Variants in NAF1 observed in about 807,000 individuals in gnomAD.
NAF1 encodes the protein H/ACA ribonucleoprotein complex non-core subunit NAF1.
Under a neutral mutation model 40.6 loss-of-function variants are expected in NAF1, and 11 were observed. That is an observed-to-expected ratio of 0.27 (90% confidence interval 0.17 to 0.45). The LOEUF is 0.45. Ranked by LOEUF, NAF1 falls within the 20% of genes least tolerant of loss-of-function variation. The probability of loss-of-function intolerance (pLI) is 1.00; values close to 1 mark genes in which losing one functional copy is unlikely to be tolerated. For synonymous variants in NAF1, 260 were observed against 228.5 expected (o/e 1.14, Z -1.24); for missense variants, 607 against 611.1 (o/e 0.99, Z 0.07).
At position 163,128,950 on chromosome 4, in the gene NAF1, G is replaced by A; in HGVS notation, c.1432C>T (p.Pro478Ser). ...LPPPPPPPPL[P>S]PPPSSGDSNS... Reference sequence around the variant, plus strand: ...CTATCTCCAGAAGAGGGTGGAGGAGGCAGTGGTGGAGGGGGAGGGGGTGGG... The same window carrying A: ...CTATCTCCAGAAGAGGGTGGAGGAGACAGTGGTGGAGGGGGAGGGGGTGGG... Residue 478 changes from proline to serine, a missense_variant, in exon 8 of 8, where the codon CCT becomes TCT. This residue lies in a region of NAF1 where 189 missense variants were observed against 216.6 expected (regional missense o/e 0.87). Coordinates refer to ENST00000274054, the MANE Select transcript of NAF1 (RefSeq NM_138386.3). 1 of 1,455,240 alleles carries A rather than the reference G, an allele frequency of 6.9e-7. No individual in the cohort carries two copies. The highest frequency in any genetic ancestry group is 9.5e-7 in the Non-Finnish European group (1 of 1,053,624). 90.1% of individuals were successfully genotyped at this position (1,455,240 alleles called of 1,614,324 possible). A position where few individuals can be genotyped will look rare whatever the true frequency, so the allele number is the denominator to read the frequency against.
intron 4 of NAF1, among the ~76,000 whole-genome samples, chr4:163,142,641 A>G (rs72697004): frequency 0.016 from 2,454 of 152,354 alleles, 32 homozygotes; most frequent in Non-Finnish European, 0.021. Context: ...CAGGCAGTAG[A>G]TAACAGGAAG....
At chr4:163,108,929 G>A (rs1730092711), downstream of NAF1, 1 of 151,938 alleles carries the variant, frequency 6.6e-6, no homozygotes, top group Non-Finnish European at 1.5e-5. Context: ...ACAAGAAAAG[G>A]GCTTAGTGTC....
At chr4:163,129,543 G>A (rs745543793) in intron 7 of NAF1, among the ~76,000 whole-genome samples, 195 bp from the exon 8 acceptor site, 15 of 152,262 alleles carry the variant, frequency 9.9e-5, no homozygotes, top group South Asian at 4.1e-4. Flanking sequence ...AACCCAGCAA[G>A]TCAGAAAACA....
downstream of NAF1, among the ~76,000 whole-genome samples, chr4:163,125,889 C>G (rs1231471455): frequency 1.3e-5 from 2 of 152,134 alleles, no homozygotes; most frequent in African/African-American, 4.8e-5. Context: ...ATTTACAATT[C>G]CAAAAATCCT....
chr4:163,165,299 A>C (rs1373206831), intron 1 of NAF1, among the ~76,000 whole-genome samples: 2 of 152,194 alleles, frequency 1.3e-5, no homozygotes, highest in African/African-American at 4.8e-5. Flanking sequence ...GACTTCTTCA[A>C]ATATTTGGTA....
At chr4:163,104,214 G>T in the NAF1 span, among the ~76,000 whole-genome samples, 3 of 152,190 alleles carry the variant, frequency 2.0e-5, 1 homozygote, top group South Asian at 6.2e-4. Context: ...GGCAGGAACC[G>T]GCCGTTTCCA....
intron 3 of NAF1, among the ~76,000 whole-genome samples, chr4:163,146,155 T>C (rs1376804857): frequency 6.6e-6 from 1 of 152,200 alleles, no homozygotes; most frequent in Non-Finnish European, 1.5e-5. Context: ...AAATTCAAGC[T>C]ATGTACATAT....
intron 6 of NAF1, chr4:163,135,898 C>G (rs1036042930): frequency 2.0e-5 from 3 of 152,158 alleles, no homozygotes; most frequent in African/African-American, 7.2e-5. Context: ...TAATAAGATG[C>G]TATAGATACT....
intron 5 of NAF1, among the ~76,000 whole-genome samples, chr4:163,138,505 T>C (rs6839886): frequency 0.26 from 39,884 of 151,928 alleles, 5,639 homozygotes; most frequent in African/African-American, 0.37. Context: ...AACAAGACAG[T>C]AAGTACATGA....
downstream of NAF1, chr4:163,126,899 C>T: frequency 6.8e-7 from 1 of 1,470,630 alleles, no homozygotes; most frequent in Non-Finnish European, 9.0e-7. Flanking sequence ...TCACTGCAGG[C>T]TCAAAGGGTC....
At chr4:163,161,750 T>A (rs577432060) in intron 2 of NAF1, among the ~76,000 whole-genome samples, 1 of 152,146 alleles carries the variant, frequency 6.6e-6, no homozygotes, top group Non-Finnish European at 1.5e-5. Flanking sequence ...CTCTAGTGAG[T>A]ATAATCCGTT....
intron 2 of NAF1, among the ~76,000 whole-genome samples, chr4:163,156,074 C>T (rs1023462848): frequency 6.6e-5 from 8 of 120,312 alleles, no homozygotes; most frequent in Non-Finnish European, 1.5e-4. Flanking sequence ...ATACCAACAA[C>T]CCCTGTTAAA....
intron 2 of NAF1, among the ~76,000 whole-genome samples, chr4:163,149,611 A>G (rs1437658874): frequency 6.6e-6 from 1 of 152,154 alleles, no homozygotes; most frequent in East Asian, 1.9e-4. Context: ...CTGGTGTTAG[A>G]GGAAATTATT....
At chr4:163,151,188 T>C (rs890911672) in intron 2 of NAF1, among the ~76,000 whole-genome samples, 4 of 151,992 alleles carry the variant, frequency 2.6e-5, no homozygotes, top group East Asian at 3.8e-4. Flanking sequence ...CCCCACAGCA[T>C]GTTTTTTAGC....
chr4:163,119,235 A>T (rs1302735557), intron 2 of NAF1: 1 of 152,218 alleles, frequency 6.6e-6, no homozygotes, highest in Non-Finnish European at 1.5e-5. Flanking sequence ...GGACTTGCTC[A>T]GATTTCACTG....
intron 2 of NAF1, among the ~76,000 whole-genome samples, chr4:163,153,802 G>A (rs1373843461): frequency 6.6e-6 from 1 of 152,128 alleles, no homozygotes; most frequent in Non-Finnish European, 1.5e-5. Context: ...AGCCAGCATT[G>A]GCAACCCGCT....
intron 1 of NAF1, among the ~76,000 whole-genome samples, chr4:163,164,622 T>C (rs1732376776): frequency 6.6e-6 from 1 of 152,206 alleles, no homozygotes; most frequent in African/African-American, 2.4e-5. Context: ...AAGTAGTATT[T>C]AGTTTACCAA....
intron 2 of NAF1, among the ~76,000 whole-genome samples, chr4:163,117,854 A>G (rs761729298): frequency 7.2e-5 from 11 of 152,194 alleles, no homozygotes; most frequent in Non-Finnish European, 1.3e-4. Context: ...CAGATTGATT[A>G]GCCTTAATCA....
intron 2 of NAF1, among the ~76,000 whole-genome samples, chr4:163,154,013 T>C (rs1450397847): frequency 6.6e-6 from 1 of 151,778 alleles, no homozygotes; most frequent in African/African-American, 2.4e-5. Flanking sequence ...TTAAGAGCTG[T>C]AACACTCACC....
Sources: gnomAD v4.1 joint callset for allele counts (sites outside exome capture counted in the v4.1 genomes callset) on GRCh38, gnomAD v4.1.1 for gene constraint, gnomAD v4.1.1 regional missense constraint, MANE v1.5 for transcripts, NCBI Gene and HGNC (gene_info 2026-07-23, HGNC 2026-07-21) for gene names.